Variants in GAPVD1 observed in about 807,000 individuals in gnomAD.
GAPVD1 encodes GTPase-activating protein and VPS9 domain-containing protein 1.
GAPVD1 carries 35 observed loss-of-function variants against 155.5 expected under a neutral mutation model. The observed-to-expected ratio is 0.23, with a 90% CI of 0.17 to 0.30. The LOEUF (loss-of-function observed/expected upper bound fraction) is 0.30, where lower values mean the gene tolerates loss of function less well. Among genes scored for constraint, GAPVD1 ranks in the 10% least tolerant of loss-of-function variants. GAPVD1 has a pLI of 1.00. For synonymous variants in GAPVD1, 636 were observed against 619.7 expected, an observed-to-expected ratio of 1.03 and a Z score of -0.39; for missense variants, 1,429 against 1,775.7, an observed-to-expected ratio of 0.80 and a Z score of 3.51.
chr9:125,341,306 A>G, intron 18 of GAPVD1, 42 bp downstream of exon 18: 1 of 969,100 alleles, frequency 1.0e-6, no homozygotes, highest in Non-Finnish European at 1.6e-6. Context: ...AGCAATAAGA[A>G]GCAAAGCCCC....
intron 2 of GAPVD1, among the ~76,000 whole-genome samples, chr9:125,294,047 G>C (rs946028939): frequency 6.6e-6 from 1 of 150,500 alleles, no homozygotes; most frequent in African/African-American, 2.4e-5. Flanking sequence ...CTAGTAGCTG[G>C]GACTACGGGT....
At chr9:125,325,579 A>G (rs1845036805) in intron 11 of GAPVD1, among the ~76,000 whole-genome samples, 1 of 151,828 alleles carries the variant, frequency 6.6e-6, no homozygotes, top group African/African-American at 2.4e-5. Context: ...TGATTTTAGC[A>G]TGCATAAGAA....
At chr9:125,301,956 GT>G in intron 4 of GAPVD1, 26 bp from the exon 5 acceptor site, 1 of 1,407,346 alleles carries the variant, frequency 7.1e-7, no homozygotes, top group Non-Finnish European at 9.6e-7. Flanking sequence ...TATTTTGCTT[GT>G]TTGCTCTTTT....
intron 2 of GAPVD1, among the ~76,000 whole-genome samples, chr9:125,270,510 T>C (rs1307520678): frequency 6.6e-6 from 1 of 152,208 alleles, no homozygotes; most frequent in Non-Finnish European, 1.5e-5. Context: ...TCAATATGTA[T>C]TATGATTTTG....
At chr9:125,276,735 A>G (rs1396313080) in intron 2 of GAPVD1, among the ~76,000 whole-genome samples, 2 of 152,094 alleles carry the variant, frequency 1.3e-5, no homozygotes, top group Non-Finnish European at 2.9e-5. Context: ...ATGTGAGAAG[A>G]TATTTTCAAC....
At position 125,307,879 on chromosome 9, in the gene GAPVD1, A is replaced by G. The variant is rs1842102760; in HGVS notation, c.1440A>G (p.Ile480Met). The G allele has an allele frequency of 6.3e-7, 1 of 1,589,086 alleles. No homozygotes were observed. Among genetic ancestry groups the G allele is most frequent in the Non-Finnish European group, 8.6e-7 (1 of 1,157,298 alleles). The change falls in exon 8 of 28, where the codon ATA becomes ATG. Residue 480 changes from isoleucine to methionine, a missense_variant and splice_region_variant. By Grantham distance (10) the Ile-to-Met change is conservative (BLOSUM62 1). Coordinates refer to ENST00000297933, the MANE Select transcript of GAPVD1 (RefSeq NM_001282680.3). The part of the protein sequence containing the change: ...TPANKKNRLP[I>M]ATRSRSRTNM... ...CAAATAAAAAGAATCGATTACCTAT[A>G]GGTAAAGAGAATTTCTCGTATTGGA...
At chr9:125,327,915 T>TTC (rs1845436043) in intron 12 of GAPVD1, among the ~76,000 whole-genome samples, 1 of 152,202 alleles carries the variant, frequency 6.6e-6, no homozygotes, top group African/African-American at 2.4e-5. Flanking sequence ...CTTTCATCTG[T>TTC]TCTCCTATCC....
rs372739784 is a variant in GAPVD1 at position 125,302,517 on chromosome 9, A to G, written c.720A>G (p.Ser240=). The stretch of plus-strand genomic sequence containing the variant: ...AAAAACTCTTTGGAGAGAAGGGCTC[A>G]GATAGATTCAGGCAAAAAGTTCAAG... ...QQEKLFGEKG[S]DRFRQKVQEM... is the part of the protein sequence containing the mutation. Residue 240 remains serine, a synonymous_variant, in exon 5 of 28, where the codon TCA becomes TCG. Coordinates refer to ENST00000297933, the MANE Select transcript of GAPVD1 (RefSeq NM_001282680.3). 18 of 1,613,862 alleles carry G rather than the reference A, an allele frequency of 1.1e-5. No individual in the cohort carries two copies. In the Middle Eastern group the frequency reaches 6.6e-4, roughly 59 times the overall value.
At chr9:125,287,133 T>C (rs938249275) in intron 2 of GAPVD1, among the ~76,000 whole-genome samples, 3 of 152,050 alleles carry the variant, frequency 2.0e-5, no homozygotes, top group South Asian at 2.1e-4. Context: ...TTTATTGCCA[T>C]GTGCATACTG....
chr9:125,319,786 A>C (rs1564383725), intron 9 of GAPVD1, among the ~76,000 whole-genome samples: 1 of 151,890 alleles, frequency 6.6e-6, no homozygotes, highest in Non-Finnish European at 1.5e-5. Context: ...TTTTTAGTAG[A>C]GATGGGATTT....
chr9:125,309,624 C>G (rs975244325), intron 8 of GAPVD1, among the ~76,000 whole-genome samples: 1 of 152,104 alleles, frequency 6.6e-6, no homozygotes, highest in Non-Finnish European at 1.5e-5. Context: ...TGTGAGCCAC[C>G]GTGCCCGGGC....
intron 2 of GAPVD1, among the ~76,000 whole-genome samples, chr9:125,289,044 C>T (rs576051902): frequency 4.6e-5 from 7 of 152,228 alleles, no homozygotes; most frequent in African/African-American, 1.2e-4. Context: ...TCTGACAATA[C>T]GGCTGGAGCA....
intron 1 of GAPVD1, among the ~76,000 whole-genome samples, chr9:125,267,130 G>C (rs190650669): frequency 1.4e-4 from 22 of 152,234 alleles, no homozygotes; most frequent in Admixed American, 1.4e-3. Flanking sequence ...GCCTACAGAA[G>C]GGTTGTTCAG....
chr9:125,340,318 G>T (rs1847670852), intron 17 of GAPVD1, among the ~76,000 whole-genome samples: 1 of 152,212 alleles, frequency 6.6e-6, no homozygotes, highest in African/African-American at 2.4e-5. Context: ...ACTGCATCCA[G>T]CTTCTTTGTC....
chr9:125,328,832 G>T (rs1378944895), intron 12 of GAPVD1, among the ~76,000 whole-genome samples: 6 of 86,092 alleles, frequency 7.0e-5, no homozygotes, highest in Non-Finnish European at 1.3e-4. Flanking sequence ...GCAGGGGGCT[G>T]ACCCCCCCCC....
chr9:125,329,948 C>A, intron 12 of GAPVD1, 130 bp from the exon 13 acceptor site: 1 of 637,178 alleles, frequency 1.6e-6, no homozygotes, highest in Admixed American at 2.7e-5. Flanking sequence ...TCCCAAAGTG[C>A]TGGGATTACA....
chr9:125,262,568 C>T (rs1256943875), intron 1 of GAPVD1, among the ~76,000 whole-genome samples: 1 of 152,092 alleles, frequency 6.6e-6, no homozygotes, highest in East Asian at 1.9e-4. Flanking sequence ...CAGAAGTACA[C>T]CCAGGGTTCT....
intron 13 of GAPVD1, among the ~76,000 whole-genome samples, chr9:125,330,684 G>A (rs1845942666): frequency 6.6e-6 from 1 of 152,140 alleles, no homozygotes. Context: ...TTAGTTTAGG[G>A]CATTTTCTGT....
At chr9:125,359,322 C>G (rs1850587924) in intron 25 of GAPVD1, 98 bp from the exon 26 acceptor site, 1 of 761,836 alleles carries the variant, frequency 1.3e-6, no homozygotes, top group Admixed American at 1.8e-5. Flanking sequence ...CATATCTAGT[C>G]AACATGTTTC....
Sources: allele counts gnomAD v4.1 joint callset (sites outside exome capture counted in the v4.1 genomes callset), GRCh38; gene constraint gnomAD v4.1.1; transcripts MANE v1.5; gene names NCBI Gene and HGNC (gene_info 2026-07-23, HGNC 2026-07-21).